The following SENP7 variants were observed in gnomAD, a reference collection of about 807,000 sequenced individuals.
SENP7 encodes the protein SUMO specific peptidase 7.
Under a neutral mutation model 141.2 loss-of-function variants are expected in SENP7, and 64 were observed. The observed-to-expected ratio is 0.45, with a 90% CI of 0.37 to 0.56. SENP7 has a LOEUF of 0.56. Among genes scored for constraint, SENP7 ranks in the 20% least tolerant of loss-of-function variants. The pLI, the probability that SENP7 is intolerant of heterozygous loss-of-function variation, is 0.00. For missense variants in SENP7, 1,025 were observed against 1,212.2 expected (o/e 0.85, Z 2.29); for synonymous variants, 382 against 426.4 (o/e 0.90, Z 1.28).
chr3:101,379,348 A>T (rs1308847932), intron 6 of SENP7, among the ~76,000 whole-genome samples: 3 of 152,194 alleles, frequency 2.0e-5, no homozygotes, highest in Admixed American at 2.0e-4. Context: ...ATATGACAAC[A>T]AAAGCACAGT....
intron 5 of SENP7, among the ~76,000 whole-genome samples, chr3:101,411,525 T>C (rs1016418269): frequency 6.6e-6 from 1 of 152,164 alleles, no homozygotes; most frequent in Non-Finnish European, 1.5e-5. Context: ...ACAAGGAACT[T>C]TGTGTGATAG....
At chr3:101,510,434 C>T (rs922113458) in intron 1 of SENP7, among the ~76,000 whole-genome samples, 7 of 152,226 alleles carry the variant, frequency 4.6e-5, no homozygotes, top group Non-Finnish European at 1.0e-4. Context: ...TGTAGTCTCA[C>T]AGATAAAACT....
chr3:101,367,351 AATGT>A (rs933716869), intron 8 of SENP7, among the ~76,000 whole-genome samples: 5 of 152,062 alleles, frequency 3.3e-5, no homozygotes, highest in Non-Finnish European at 7.4e-5. Context: ...GAAAATAGAA[AATGT>A]ATGTATTTAA....
rs1553707804 is a variant in SENP7 at position 101,380,445 on chromosome 3, C to CACACA, written c.678-8320_678-8319insTGTGT. ...GTAAAGCAAACCACCGCCCCCCCCCCCACACACACACACAAAACAAAACAT... is the reference window on the plus strand; with the variant it reads ...GTAAAGCAAACCACCGCCCCCCCCCCACACACACACACACACACAAAACAAAACAT... On this transcript the variant is annotated intron_variant, in intron 6 of 23. Coordinates refer to ENST00000394095, the MANE Select transcript of SENP7 (RefSeq NM_020654.5). Among the ~76,000 whole-genome samples the CACACA allele has an allele frequency of 4.4e-3, 561 of 128,756 alleles. 14 individuals are homozygous for CACACA. The highest frequency in any genetic ancestry group is 0.011 in the African/African-American group (397 of 35,516). 84.5% of individuals were successfully genotyped at this position (128,756 alleles called of 152,430 possible). A position where few individuals can be genotyped will look rare whatever the true frequency, so the allele number is the denominator to read the frequency against.
At chr3:101,347,751 T>G in intron 13 of SENP7, 121 bp downstream of exon 13, 1 of 546,918 alleles carries the variant, frequency 1.8e-6, no homozygotes, top group East Asian at 3.5e-5. Context: ...AACAAAATTA[T>G]TTTCACTAAA....
chr3:101,327,059 ATCCG>A (rs1302228425), intron 23 of SENP7, among the ~76,000 whole-genome samples: 1 of 151,740 alleles, frequency 6.6e-6, no homozygotes, highest in Non-Finnish European at 1.5e-5. Flanking sequence ...CCATGTCTTC[ATCCG>A]TTTTGTTTCA....
intron 16 of SENP7, 64 bp from the exon 17 acceptor site, chr3:101,337,695 G>C: frequency 7.7e-7 from 1 of 1,292,536 alleles, no homozygotes; most frequent in Non-Finnish European, 1.0e-6. Context: ...TCCCCCAGTT[G>C]TCTTATGTGT....
At chr3:101,506,399 A>C (rs536058424) in intron 1 of SENP7, among the ~76,000 whole-genome samples, 16 of 152,202 alleles carry the variant, frequency 1.1e-4, no homozygotes, top group Non-Finnish European at 1.5e-4. Context: ...CTTAATCCTT[A>C]TATCATGAAA....
chr3:101,409,267 A>G (rs1044927731), intron 5 of SENP7, among the ~76,000 whole-genome samples: 1 of 152,194 alleles, frequency 6.6e-6, no homozygotes, highest in Non-Finnish European at 1.5e-5. Context: ...AAACTACAAA[A>G]CACTGCTGAA....
intron 6 of SENP7, among the ~76,000 whole-genome samples, chr3:101,385,463 C>T (rs1325965352): frequency 6.6e-6 from 1 of 152,204 alleles, no homozygotes; most frequent in Non-Finnish European, 1.5e-5. Flanking sequence ...TGCATTTTTA[C>T]TTAGCAAAGC....
chr3:101,375,160 A>G (rs372534853), intron 6 of SENP7, among the ~76,000 whole-genome samples: 1 of 152,212 alleles, frequency 6.6e-6, no homozygotes, highest in African/African-American at 2.4e-5. Context: ...GAACCTCTGT[A>G]CATTGTTGGT....
Position 101,417,606 on chromosome 3 carries a change from T to G in SENP7, c.469A>C (p.Asn157His). 1 of 1,613,184 alleles carries G rather than the reference T, an allele frequency of 6.2e-7. No homozygotes were observed. The highest frequency in any genetic ancestry group is 8.5e-7 in the Non-Finnish European group (1 of 1,179,176). ...QKLEPLRQSL[N>H]LSERIPRVIL... ...TGAACAACATACCTTTCAGATAAAT[T>G]AAGGCTTTGGCGAAGAGGTTCTAAT... is the stretch of plus-strand genomic sequence containing the variant. Residue 157 changes from asparagine to histidine, a missense_variant, in exon 5 of 24, where the codon AAT (asparagine) becomes CAT (histidine). By Grantham distance (68) the Asn-to-His change is moderately conservative. Coordinates refer to ENST00000394095, the MANE Select transcript of SENP7 (RefSeq NM_020654.5).
chr3:101,399,641 G>T (rs1278887002), intron 5 of SENP7, among the ~76,000 whole-genome samples: 1 of 152,134 alleles, frequency 6.6e-6, no homozygotes, highest in Non-Finnish European at 1.5e-5. Context: ...GAAAATTAAA[G>T]TTTTTGTTTA....
At chr3:101,501,361 T>C (rs991523696) in intron 1 of SENP7, among the ~76,000 whole-genome samples, 1 of 150,820 alleles carries the variant, frequency 6.6e-6, no homozygotes, top group Non-Finnish European at 1.5e-5. Flanking sequence ...TATAAATATA[T>C]ATATAATGAC....
chr3:101,441,951 T>C (rs1426850599), intron 4 of SENP7, among the ~76,000 whole-genome samples: 1 of 152,190 alleles, frequency 6.6e-6, no homozygotes, highest in Non-Finnish European at 1.5e-5. Flanking sequence ...TCACTGATTA[T>C]GACCAAAGAA....
Position 101,379,451 on chromosome 3 carries a change from G to C in SENP7, c.678-7325C>G, listed in dbSNP as rs564462380. Among the ~76,000 whole-genome samples, 38 of 152,076 alleles carry C rather than the reference G, an allele frequency of 2.5e-4. No homozygotes were observed. In the South Asian group the frequency reaches 7.9e-3, roughly 32 times the overall value. ...ATTTGCAAATCCCATATCTATTAAGGGATCAGTATCCAGAATATATAAAGA... is the reference window on the plus strand; with the variant it reads ...ATTTGCAAATCCCATATCTATTAAGCGATCAGTATCCAGAATATATAAAGA... On this transcript the variant is annotated intron_variant, in intron 6 of 23. Coordinates refer to ENST00000394095, the MANE Select transcript of SENP7 (RefSeq NM_020654.5).
chr3:101,424,320 C>G (rs1048740818), intron 4 of SENP7, among the ~76,000 whole-genome samples: 6 of 140,930 alleles, frequency 4.3e-5, no homozygotes, highest in Admixed American at 2.9e-4. Context: ...ACCCACCCCC[C>G]ATCCCCGCAC....
chr3:101,372,078 A>G lies in SENP7; in HGVS notation c.726T>C (p.Thr242=), dbSNP rs753993613. Residue 242 remains threonine, a synonymous_variant, in exon 7 of 24, where the codon ACT becomes ACC. Coordinates refer to ENST00000394095, the MANE Select transcript of SENP7 (RefSeq NM_020654.5). ...TTCTTCGTTTTTCTTTATTGTGCGC[A>G]GTCTGCTTTGCAGAATTGTCATCTA... is the stretch of plus-strand genomic sequence containing the variant. ...KTVDDNSAKQ[T]AHNKEKRRKD... is the part of the protein sequence containing the mutation. 22 of 1,570,280 alleles carry G rather than the reference A, an allele frequency of 1.4e-5. No individual in the cohort carries two copies. The highest frequency in any genetic ancestry group is 1.8e-5 in the Non-Finnish European group (21 of 1,151,474).
At chr3:101,440,384 AAG>A (rs2062617006) in intron 4 of SENP7, among the ~76,000 whole-genome samples, 1 of 94,350 alleles carries the variant, frequency 1.1e-5, no homozygotes, top group East Asian at 2.7e-4. Flanking sequence ...CATGCTCGTT[AAG>A]AGTCATCACC....
Sources: allele counts gnomAD v4.1 joint callset (sites outside exome capture counted in the v4.1 genomes callset), GRCh38; gene constraint gnomAD v4.1.1; transcripts MANE v1.5; gene names NCBI Gene and HGNC (gene_info 2026-07-23, HGNC 2026-07-21).